Variants in SMIM13 observed in about 807,000 individuals in gnomAD.
The protein encoded by SMIM13 is small integral membrane protein 13.
Under a neutral mutation model 5.9 loss-of-function variants are expected in SMIM13, and 3 were observed. The ratio of observed to expected loss-of-function variants is 0.51; its 90% CI spans 0.23 to 1.31. SMIM13 has a LOEUF of 1.31. Among genes scored for constraint, SMIM13 ranks in the 40% most tolerant of loss-of-function variants. The pLI is 0.18. For synonymous variants in SMIM13, 55 were observed against 46.0 expected, an observed-to-expected ratio of 1.19 and a Z score of -0.79; for missense variants, 85 against 109.9, an observed-to-expected ratio of 0.77 and a Z score of 1.01.
rs759746696 is a variant in SMIM13, at chr6:11,135,130, C to T, written c.*528C>T. ...TTTTAAAATGTCTTCAAAAAGATCACACTATGATTCAGCATTGAAACGAAA... is the reference window on the plus strand; with the variant it reads ...TTTTAAAATGTCTTCAAAAAGATCATACTATGATTCAGCATTGAAACGAAA... On this transcript the variant is annotated 3_prime_UTR_variant, in exon 2 of 2. Coordinates refer to ENST00000416247, the MANE Select transcript of SMIM13 (RefSeq NM_001135575.2). The T allele has an allele frequency of 2.0e-5, 3 of 152,580 alleles. No individual in the cohort carries two copies. Among genetic ancestry groups the T allele is most frequent in the Admixed American group, 6.6e-5 (1 of 15,264 alleles). 9.5% of individuals were successfully genotyped at this position (152,580 alleles called of 1,614,324 possible).
intron 1 of SMIM13, among the ~76,000 whole-genome samples, chr6:11,099,939 A>G (rs1757969979): frequency 1.3e-5 from 2 of 152,158 alleles, no homozygotes; most frequent in African/African-American, 4.8e-5. Context: ...TCTGCTGGTT[A>G]AATAGTGTAA....
At chr6:11,098,063 C>A (rs1361801964) in intron 1 of SMIM13, among the ~76,000 whole-genome samples, 1 of 152,052 alleles carries the variant, frequency 6.6e-6, no homozygotes, top group Non-Finnish European at 1.5e-5. Context: ...TTATTTCATT[C>A]AGTTCAACAA....
rs2113673136 is a variant in SMIM13 at position 11,135,747 on chromosome 6, A to G, written c.*1145A>G. The stretch of plus-strand genomic sequence containing the variant: ...CACATTTTCTTTACATATGCACAAG[A>G]TTGATGTGATAAAAATCTGTTTAAC... On this transcript the variant is annotated 3_prime_UTR_variant, in exon 2 of 2. Coordinates refer to ENST00000416247, the MANE Select transcript of SMIM13 (RefSeq NM_001135575.2). 1 of 152,500 alleles carries G rather than the reference A, an allele frequency of 6.6e-6. No homozygotes were observed. Among genetic ancestry groups the G allele is most frequent in the East Asian group, 1.9e-4 (1 of 5,184 alleles). The allele number at this position is 152,500 out of a possible 1,614,324, so 9.4% of individuals were successfully genotyped here. A position where few individuals can be genotyped will look rare whatever the true frequency, so the allele number is the denominator to read the frequency against.
At chr6:11,113,672 T>C (rs1252415073) in intron 1 of SMIM13, among the ~76,000 whole-genome samples, 1 of 152,084 alleles carries the variant, frequency 6.6e-6, no homozygotes, top group Non-Finnish European at 1.5e-5. Flanking sequence ...GCCTCCTGGG[T>C]TCAAAAGGTT....
At chr6:11,119,074 A>C (rs186720003) in intron 1 of SMIM13, among the ~76,000 whole-genome samples, 315 of 152,330 alleles carry the variant, frequency 2.1e-3, no homozygotes, top group African/African-American at 7.4e-3. Context: ...AGTGTAGAGA[A>C]GGAAACAGAT....
Position 11,137,665 on chromosome 6 carries a change from T to C in SMIM13, c.*3063T>C, listed in dbSNP as rs1183642911. On this transcript the variant is annotated 3_prime_UTR_variant, in exon 2 of 2. Transcript: ENST00000416247. ...TTCCCAACCAGCCATTCATTTCCAA[T>C]TGTTCTGCCTTTGAAACTTTTTGTG... The C allele has an allele frequency of 6.6e-6, 1 of 152,204 alleles. No homozygotes were observed. Among genetic ancestry groups the C allele is most frequent in the African/African-American group, 2.4e-5 (1 of 41,460 alleles). 9.4% of individuals were successfully genotyped at this position (152,204 alleles called of 1,614,324 possible).
At chr6:11,099,836 TG>T (rs1341849420) in intron 1 of SMIM13, among the ~76,000 whole-genome samples, 3 of 152,194 alleles carry the variant, frequency 2.0e-5, no homozygotes, top group Non-Finnish European at 2.9e-5. Context: ...CCGTGGTAGA[TG>T]CTCCATCCAT....
chr6:11,117,072 C>T (rs1466001845), intron 1 of SMIM13, among the ~76,000 whole-genome samples: 1 of 136,944 alleles, frequency 7.3e-6, no homozygotes, highest in African/African-American at 2.7e-5. Flanking sequence ...CTCACTGCAA[C>T]CTCCACCTCC....
chr6:11,115,660 GTTCT>G lies in SMIM13; in HGVS notation c.77-18728_77-18725del, dbSNP rs947743451. On this transcript the variant is annotated intron_variant, in intron 1 of 1. Transcript: ENST00000416247. ...TTAACTATCCCATTACCTTTGCCAT[GTTCT>G]TTCTTTCTTTCTTTTTTCTTTTCTT... is the stretch of plus-strand genomic sequence containing the variant. 6.4e-4 allele frequency among the ~76,000 whole-genome samples: 97 copies of G among 150,638 alleles called. 3 individuals are homozygous for G. In the South Asian group the frequency reaches 0.018, roughly 29 times the overall value.
chr6:11,126,685 A>T (rs976839245), intron 1 of SMIM13, among the ~76,000 whole-genome samples: 8 of 147,494 alleles, frequency 5.4e-5, no homozygotes, highest in African/African-American at 2.0e-4. Flanking sequence ...ATACTTCTGG[A>T]TGTTTATTGG....
chr6:11,113,404 CAT>C (rs1487148756), intron 1 of SMIM13, among the ~76,000 whole-genome samples: 1 of 152,048 alleles, frequency 6.6e-6, no homozygotes, highest in Admixed American at 6.5e-5. Flanking sequence ...TGTTATTTGC[CAT>C]TCTTTCTACC....
chr6:11,112,379 A>C (rs1199323664), intron 1 of SMIM13, among the ~76,000 whole-genome samples: 1 of 151,988 alleles, frequency 6.6e-6, no homozygotes, highest in East Asian at 1.9e-4. Flanking sequence ...AGACTCCTGA[A>C]TAGCTGGAAT....
chr6:11,095,578 C>T (rs1757913025), intron 1 of SMIM13, among the ~76,000 whole-genome samples: 1 of 152,186 alleles, frequency 6.6e-6, no homozygotes, highest in South Asian at 2.1e-4. Context: ...TCTTGAACTC[C>T]TGACCTCATG....
rs1035143777 is a variant in SMIM13, at chr6:11,136,638, A to G, written c.*2036A>G. 1 of 152,028 alleles carries G rather than the reference A, an allele frequency of 6.6e-6. No homozygotes were observed. Among genetic ancestry groups the G allele is most frequent in the African/African-American group, 2.4e-5 (1 of 41,416 alleles). 9.4% of individuals were successfully genotyped at this position (152,028 alleles called of 1,614,324 possible). On this transcript the variant is annotated 3_prime_UTR_variant, in exon 2 of 2. Coordinates refer to ENST00000416247, the MANE Select transcript of SMIM13 (RefSeq NM_001135575.2). ...ATTCACAGAACATAACTTTAGTTTTATGTGTTTGCTAGGGGAAGATTTCCT... is the reference window on the plus strand; with the variant it reads ...ATTCACAGAACATAACTTTAGTTTTGTGTGTTTGCTAGGGGAAGATTTCCT...
At chr6:11,118,827 C>T (rs563562991) in intron 1 of SMIM13, among the ~76,000 whole-genome samples, 4 of 152,324 alleles carry the variant, frequency 2.6e-5, no homozygotes, top group Admixed American at 2.0e-4. Context: ...TAGCTTGTTA[C>T]ATGTATTAAC....
At chr6:11,125,716 T>C (rs1309784334) in intron 1 of SMIM13, among the ~76,000 whole-genome samples, 1 of 152,196 alleles carries the variant, frequency 6.6e-6, no homozygotes, top group South Asian at 2.1e-4. Flanking sequence ...AGCTTTTGAG[T>C]ATCTTACTTG....
intron 1 of SMIM13, among the ~76,000 whole-genome samples, chr6:11,106,374 G>C (rs568050698): frequency 3.9e-5 from 6 of 152,360 alleles, no homozygotes; most frequent in South Asian, 4.1e-4. Context: ...CTGATGGAGA[G>C]GGCTTCCCCG....
intron 1 of SMIM13, among the ~76,000 whole-genome samples, chr6:11,115,906 C>T (rs1450099002): frequency 8.6e-5 from 13 of 151,226 alleles, no homozygotes; most frequent in Admixed American, 4.6e-4. Context: ...AGGCTGGTCT[C>T]GAACTCCCGA....
chr6:11,129,375 C>T (rs892484356), intron 1 of SMIM13, among the ~76,000 whole-genome samples: 1 of 152,110 alleles, frequency 6.6e-6, no homozygotes, highest in Admixed American at 6.5e-5. Flanking sequence ...TTCTTTATGG[C>T]GGAATAGTAT....
Sources: gnomAD v4.1 joint callset for allele counts (sites outside exome capture counted in the v4.1 genomes callset) on GRCh38, gnomAD v4.1.1 for gene constraint, MANE v1.5 for transcripts, NCBI Gene and HGNC (gene_info 2026-07-23, HGNC 2026-07-21) for gene names.